Variants in PLPPR1 observed in about 807,000 individuals in gnomAD.
PLPPR1 encodes the protein phospholipid phosphatase-related protein type 1.
Under a neutral mutation model 33.1 loss-of-function variants are expected in PLPPR1, and 10 were observed. The observed-to-expected ratio is 0.30, with a 90% CI of 0.19 to 0.51. PLPPR1 has a LOEUF of 0.51. PLPPR1 is among the 20% of genes least tolerant of loss of function. The pLI, the probability that PLPPR1 is intolerant of heterozygous loss-of-function variation, is 0.97. For synonymous variants in PLPPR1, 151 were observed against 151.0 expected (o/e 1.00, Z 0.00); for missense variants, 304 against 408.1 (o/e 0.74, Z 2.20).
At chr9:101,216,745 T>G (rs1826803774) in intron 2 of PLPPR1, among the ~76,000 whole-genome samples, 1 of 152,178 alleles carries the variant, frequency 6.6e-6, no homozygotes, top group Non-Finnish European at 1.5e-5. Flanking sequence ...AATTTTTTAT[T>G]GTGGATGCTG....
intron 1 of PLPPR1, among the ~76,000 whole-genome samples, chr9:101,059,313 T>A (rs1232475040): frequency 1.3e-5 from 2 of 152,122 alleles, no homozygotes; most frequent in Non-Finnish European, 2.9e-5. Flanking sequence ...TTTAGCATGT[T>A]TTTATGAGTA....
In PLPPR1 at chr9:101,324,745, G is replaced by A. The variant is rs1157018604; in HGVS notation, c.*688G>A. The A allele has an allele frequency of 6.6e-6, 1 of 152,594 alleles. No homozygotes were observed. Among genetic ancestry groups the A allele is most frequent in the Admixed American group, 6.5e-5 (1 of 15,278 alleles). The allele number at this position is 152,594 out of a possible 1,614,324, so 9.5% of individuals were successfully genotyped here. On this transcript the variant is annotated 3_prime_UTR_variant, in exon 8 of 8. Transcript: ENST00000374874. Reference sequence around the variant, plus strand: ...TTTCTGGAATGTCTTCTGGCAGGCAGGTGCCACTGTCAGCTTTTCTCCAAA... The same window carrying A: ...TTTCTGGAATGTCTTCTGGCAGGCAAGTGCCACTGTCAGCTTTTCTCCAAA...
intron 1 of PLPPR1, among the ~76,000 whole-genome samples, chr9:101,029,790 G>T (rs888522018): frequency 6.6e-6 from 1 of 152,134 alleles, no homozygotes; most frequent in African/African-American, 2.4e-5. Flanking sequence ...AGGACGCTAG[G>T]ATCTCTCCTC....
chr9:101,212,119 G>A (rs1050642238), intron 2 of PLPPR1, among the ~76,000 whole-genome samples: 1 of 152,028 alleles, frequency 6.6e-6, no homozygotes, highest in African/African-American at 2.4e-5. Flanking sequence ...GTCTCGCTCT[G>A]TCACCCAGGC....
intron 2 of PLPPR1, among the ~76,000 whole-genome samples, chr9:101,204,696 T>C (rs1253263388): frequency 2.0e-5 from 3 of 152,156 alleles, no homozygotes; most frequent in Non-Finnish European, 2.9e-5. Context: ...CTAGTATCTC[T>C]AAGGTGTTGG....
At chr9:101,066,384 C>T (rs1420680203) in intron 1 of PLPPR1, among the ~76,000 whole-genome samples, 1 of 151,902 alleles carries the variant, frequency 6.6e-6, no homozygotes, top group Non-Finnish European at 1.5e-5. Flanking sequence ...GTCCCTACCC[C>T]CTTCCATACT....
intron 1 of PLPPR1, chr9:101,126,023 T>A (rs1173072284): frequency 4.8e-6 from 1 of 209,490 alleles, no homozygotes; most frequent in Admixed American, 5.9e-5. Flanking sequence ...AGCCCATGAT[T>A]TATTTTTTCT....
chr9:101,159,130 A>T (rs545010265), intron 1 of PLPPR1, among the ~76,000 whole-genome samples: 1 of 152,336 alleles, frequency 6.6e-6, no homozygotes, highest in South Asian at 2.1e-4. Context: ...CAATAGAAGT[A>T]GAAGCTCTTA....
chr9:101,179,821 G>A (rs551525609), intron 1 of PLPPR1, among the ~76,000 whole-genome samples: 1 of 152,022 alleles, frequency 6.6e-6, no homozygotes, highest in African/African-American at 2.4e-5. Context: ...TTGAGTCAGT[G>A]GGCTGGGGAA....
At chr9:101,120,535 G>C (rs561723900) in intron 1 of PLPPR1, among the ~76,000 whole-genome samples, 71 of 152,310 alleles carry the variant, frequency 4.7e-4, no homozygotes, top group Admixed American at 1.2e-3. Flanking sequence ...TCTGTTCATA[G>C]TTGGTTAGCA....
intron 1 of PLPPR1, among the ~76,000 whole-genome samples, chr9:101,090,021 G>C (rs1333935240): frequency 6.6e-6 from 1 of 152,130 alleles, no homozygotes; most frequent in Admixed American, 6.5e-5. Flanking sequence ...ACCTGTAGGG[G>C]AAGGATCATC....
chr9:101,039,631 C>T (rs566380081), intron 1 of PLPPR1, among the ~76,000 whole-genome samples: 2 of 152,142 alleles, frequency 1.3e-5, no homozygotes, highest in Non-Finnish European at 2.9e-5. Context: ...GGAGAACTCA[C>T]AGTTCCACGT....
At chr9:101,271,576 G>A (rs995960342) in intron 3 of PLPPR1, among the ~76,000 whole-genome samples, 3 of 152,282 alleles carry the variant, frequency 2.0e-5, no homozygotes, top group African/African-American at 7.2e-5. Flanking sequence ...AAAGCATACA[G>A]GACACCTTTC....
chr9:101,070,843 T>C, intron 1 of PLPPR1, among the ~76,000 whole-genome samples: 1 of 152,164 alleles, frequency 6.6e-6, no homozygotes, highest in East Asian at 1.9e-4. Context: ...TTGTTCTGCA[T>C]TGTATCCTCC....
chr9:101,238,974 C>T (rs1184198449), intron 2 of PLPPR1, among the ~76,000 whole-genome samples: 3 of 150,342 alleles, frequency 2.0e-5, no homozygotes, highest in Admixed American at 6.7e-5. Flanking sequence ...TTAGCTCCTA[C>T]ACATGCAGTG....
At chr9:101,264,764 G>T (rs1018875795) in intron 2 of PLPPR1, among the ~76,000 whole-genome samples, 3 of 152,078 alleles carry the variant, frequency 2.0e-5, no homozygotes, top group South Asian at 2.1e-4. Flanking sequence ...TTCATTGTTT[G>T]TGTTTAGTCA....
At chr9:101,319,923 C>T (rs1564038429) in intron 7 of PLPPR1, among the ~76,000 whole-genome samples, 1 of 152,130 alleles carries the variant, frequency 6.6e-6, no homozygotes, top group Non-Finnish European at 1.5e-5. Context: ...TTTTGCACAC[C>T]TCATCCTTCC....
intron 1 of PLPPR1, among the ~76,000 whole-genome samples, chr9:101,184,178 A>G (rs906069482): frequency 2.0e-5 from 3 of 151,938 alleles, no homozygotes; most frequent in African/African-American, 7.2e-5. Flanking sequence ...TATGGGTATG[A>G]TTTTATAACA....
At chr9:101,252,021 A>G (rs996718847) in intron 2 of PLPPR1, among the ~76,000 whole-genome samples, 1 of 152,158 alleles carries the variant, frequency 6.6e-6, no homozygotes, top group African/African-American at 2.4e-5. Context: ...TTTCCAATTT[A>G]CATATTTATA....
Sources: allele counts gnomAD v4.1 joint callset (sites outside exome capture counted in the v4.1 genomes callset), GRCh38; gene constraint gnomAD v4.1.1; transcripts MANE v1.5; gene names NCBI Gene and HGNC (gene_info 2026-07-23, HGNC 2026-07-21).